The following MTCH2 variants were observed in gnomAD, a reference collection of about 807,000 sequenced individuals.
MTCH2 encodes the protein mitochondrial carrier 2.
Under a neutral mutation model 50.6 loss-of-function variants are expected in MTCH2, and 25 were observed. That is an observed-to-expected ratio of 0.49 (90% CI 0.36 to 0.69). The LOEUF (loss-of-function observed/expected upper bound fraction) is 0.69. MTCH2 is among the 30% of genes least tolerant of loss of function. The pLI, the probability that MTCH2 is intolerant of heterozygous loss-of-function variation, is 0.00. For synonymous variants in MTCH2, 106 were observed against 132.0 expected (o/e 0.80, Z 1.35); for missense variants, 273 against 384.4 (o/e 0.71, Z 2.42).
At chr11:47,627,921 A>C (rs2097299540) in intron 9 of MTCH2, among the ~76,000 whole-genome samples, 1 of 152,204 alleles carries the variant, frequency 6.6e-6, no homozygotes, top group South Asian at 2.1e-4. Context: ...GGACGAATGT[A>C]AAAGGATTTC....
At chr11:47,635,125 G>A (rs193083882) in intron 4 of MTCH2, among the ~76,000 whole-genome samples, 10 of 151,740 alleles carry the variant, frequency 6.6e-5, no homozygotes, top group East Asian at 1.9e-4. Context: ...TGTCACTCAC[G>A]CGGAGTGCAG....
chr11:47,631,107 G>A lies in MTCH2; in HGVS notation c.428-20C>T, dbSNP rs1194866981. 6 of 1,607,762 alleles carry A rather than the reference G, an allele frequency of 3.7e-6. No individual in the cohort carries two copies. Among genetic ancestry groups the A allele is most frequent in the Non-Finnish European group, 5.1e-6 (6 of 1,174,864 alleles). ...TGATCACTGTGGAATATAGAGAAAA[G>A]ATGTTTACAACTATGTTAAGGCCAG... On this transcript the variant is annotated intron_variant, in intron 6 of 12. Transcript: ENST00000302503.
chr11:47,638,600 T>A, intron 3 of MTCH2, 99 bp downstream of exon 3: 1 of 715,834 alleles, frequency 1.4e-6, no homozygotes, highest in Non-Finnish European at 2.2e-6. Flanking sequence ...AAGGACAGGG[T>A]TATAAATGTA....
chr11:47,615,292 AT>A (rs2097287742), downstream of MTCH2, among the ~76,000 whole-genome samples: 2 of 152,154 alleles, frequency 1.3e-5, no homozygotes, highest in South Asian at 4.2e-4. Context: ...CTAAATATAT[AT>A]TTTTCCCCCA....
At chr11:47,638,637 A>G in intron 3 of MTCH2, 62 bp downstream of exon 3, 1 of 1,132,236 alleles carries the variant, frequency 8.8e-7, no homozygotes, top group Non-Finnish European at 1.2e-6. Context: ...TGATATTTAG[A>G]ACAAACTATG....
At chr11:47,607,002 C>G in the MTCH2 span, among the ~76,000 whole-genome samples, 1 of 152,220 alleles carries the variant, frequency 6.6e-6, no homozygotes, top group African/African-American at 2.4e-5. Context: ...ACGAGCTCAT[C>G]TAGCAGTCTC....
chr11:47,613,908 A>G (rs753864107), downstream of MTCH2, among the ~76,000 whole-genome samples: 7 of 152,134 alleles, frequency 4.6e-5, no homozygotes, highest in Non-Finnish European at 1.0e-4. Context: ...ACATGGTGAA[A>G]GCCCGTCTCT....
In MTCH2 at chr11:47,631,727, A is replaced by G. The variant is rs747707008; in HGVS notation, c.370-16T>C. On this transcript the variant is annotated splice_polypyrimidine_tract_variant and intron_variant, in intron 5 of 12. Transcript: ENST00000302503. ...CTCGAGTTGTCTAGAAACAATCAAC[A>G]CACACTTCTGAAATCTAAACAAATG... 5 of 1,613,902 alleles carry G rather than the reference A, an allele frequency of 3.1e-6. No homozygotes were observed. Among genetic ancestry groups the G allele is most frequent in the Non-Finnish European group, 4.2e-6 (5 of 1,179,852 alleles).
downstream of MTCH2, among the ~76,000 whole-genome samples, chr11:47,616,437 C>T (rs904207059): frequency 1.3e-5 from 2 of 151,884 alleles, no homozygotes; most frequent in Non-Finnish European, 2.9e-5. Context: ...ACCTCCAGCT[C>T]CCAGGTTCAA....
chr11:47,611,027 T>C, the MTCH2 span, among the ~76,000 whole-genome samples: 12 of 152,336 alleles, frequency 7.9e-5, no homozygotes, highest in East Asian at 2.3e-3. Context: ...ACGAATACCT[T>C]CTTTCAGGGC....
At chr11:47,629,213 T>C (rs558614790) in intron 8 of MTCH2, 167 bp from the exon 9 acceptor site, 6 of 593,076 alleles carry the variant, frequency 1.0e-5, no homozygotes, top group South Asian at 1.9e-5. Flanking sequence ...TCATTCTCGT[T>C]AACACAGCTG....
the MTCH2 span, among the ~76,000 whole-genome samples, chr11:47,607,603 A>AGAG: frequency 6.6e-6 from 1 of 152,180 alleles, no homozygotes; most frequent in Non-Finnish European, 1.5e-5. Context: ...GTTTCAAGCC[A>AGAG]GAGTCCTCCT....
At chr11:47,625,832 G>A in intron 10 of MTCH2, 91 bp from the exon 11 acceptor site, 2 of 973,144 alleles carry the variant, frequency 2.1e-6, no homozygotes, top group Non-Finnish European at 3.2e-6. Flanking sequence ...CCACTGCGGT[G>A]AGACACTCTA....
intron 6 of MTCH2, among the ~76,000 whole-genome samples, chr11:47,631,361 A>G (rs751306607): frequency 2.6e-5 from 4 of 152,150 alleles, no homozygotes; most frequent in Admixed American, 2.0e-4. Flanking sequence ...GTGAGCCAAG[A>G]TTGTGCCATT....
intron 6 of MTCH2, 87 bp from the exon 7 acceptor site, chr11:47,631,174 C>T (rs563599887): frequency 1.8e-4 from 189 of 1,064,612 alleles, no homozygotes; most frequent in Non-Finnish European, 2.2e-4. Context: ...TTTGAGAGGC[C>T]GAGGTGGGCG....
intron 5 of MTCH2, among the ~76,000 whole-genome samples, chr11:47,633,999 A>T (rs2097306152): frequency 6.6e-6 from 1 of 152,154 alleles, no homozygotes; most frequent in Admixed American, 6.6e-5. Flanking sequence ...GTGATGAGGA[A>T]CTTTTCAGAG....
the MTCH2 span, among the ~76,000 whole-genome samples, chr11:47,612,294 G>A: frequency 3.2e-4 from 48 of 152,040 alleles, no homozygotes; most frequent in African/African-American, 1.1e-3. Context: ...TGGGCCGGGC[G>A]CGGTGGCTCA....
the MTCH2 span, among the ~76,000 whole-genome samples, chr11:47,608,690 G>A: frequency 6.6e-6 from 1 of 152,138 alleles, no homozygotes; most frequent in Non-Finnish European, 1.5e-5. Flanking sequence ...CGATTGCGGT[G>A]GCTCATGCCT....
At chr11:47,625,884 T>C in intron 10 of MTCH2, 143 bp from the exon 11 acceptor site, 1 of 573,966 alleles carries the variant, frequency 1.7e-6, no homozygotes, top group Non-Finnish European at 3.1e-6. Context: ...AGACAACAGT[T>C]ACAGTTTTGA....
Sources: allele counts gnomAD v4.1 joint callset (sites outside exome capture counted in the v4.1 genomes callset), GRCh38; gene constraint gnomAD v4.1.1; transcripts MANE v1.5; gene names NCBI Gene and HGNC (gene_info 2026-07-23, HGNC 2026-07-21).